Variants in AAK1 observed in about 807,000 individuals in gnomAD.
AAK1 encodes AP2-associated protein kinase 1.
Under a neutral mutation model 116.0 loss-of-function variants are expected in AAK1, and 37 were observed. The ratio of observed to expected loss-of-function variants is 0.32; its 90% CI spans 0.25 to 0.42. The LOEUF is 0.42. Ranked by LOEUF, AAK1 falls within the 10% of genes least tolerant of loss-of-function variation. The probability of loss-of-function intolerance (pLI) is 1.00; values close to 1 mark genes in which losing one functional copy is unlikely to be tolerated. For synonymous variants in AAK1, 458 were observed against 439.9 expected (o/e 1.04, Z -0.51); for missense variants, 919 against 1,170.6 (o/e 0.79, Z 3.14).
intron 2 of AAK1, among the ~76,000 whole-genome samples, chr2:69,600,290 G>GT (rs55852032): frequency 0.039 from 5,234 of 133,410 alleles, 96 homozygotes; most frequent in African/African-American, 0.053. Context: ...ATCTGTCTCA[G>GT]TTTTTTTTTT....
At chr2:69,633,612 A>C (rs1186986253) in intron 2 of AAK1, among the ~76,000 whole-genome samples, 2 of 151,936 alleles carry the variant, frequency 1.3e-5, no homozygotes, top group Non-Finnish European at 2.9e-5. Context: ...AAAAAAAAAA[A>C]AAAAACTCAG....
intron 17 of AAK1, among the ~76,000 whole-genome samples, chr2:69,486,544 A>G (rs1437692901): frequency 1.3e-5 from 2 of 152,132 alleles, no homozygotes; most frequent in East Asian, 3.8e-4. Flanking sequence ...GGCCATGTCT[A>G]TGTAAGGTGG....
Position 69,468,676 on chromosome 2 carries a change from T to C in AAK1, c.*7193A>G, listed in dbSNP as rs1212960953. On this transcript the variant is annotated 3_prime_UTR_variant, in exon 22 of 22. Transcript: ENST00000409085. The stretch of plus-strand genomic sequence containing the variant: ...TAAACTGAATTCAGTTAAAACAATT[T>C]GTGCACAGAGACTGGCAAAAAAGCA... The C allele has an allele frequency of 2.5e-5, 25 of 985,288 alleles. No individual in the cohort carries two copies. The highest frequency in any genetic ancestry group is 6.1e-5 in the Admixed American group (1 of 16,266). The allele number at this position is 985,288 out of a possible 1,614,324, so 61.0% of individuals were successfully genotyped here.
chr2:69,529,959 C>A (rs762931927), intron 8 of AAK1, 49 bp downstream of exon 8: 1 of 1,425,150 alleles, frequency 7.0e-7, no homozygotes, highest in South Asian at 1.4e-5. Flanking sequence ...CCAATTCATT[C>A]TTTGTGATTA....
intron 2 of AAK1, among the ~76,000 whole-genome samples, chr2:69,596,752 T>A (rs1572991921): frequency 6.6e-6 from 1 of 152,116 alleles, no homozygotes; most frequent in African/African-American, 2.4e-5. Context: ...CCTGCTCAGG[T>A]GAGTGCTGGA....
Position 69,479,434 on chromosome 2 carries a change from T to A in AAK1, c.2570-373A>T, listed in dbSNP as rs115228435. Among the ~76,000 whole-genome samples, 1,305 of 152,298 alleles carry A rather than the reference T, an allele frequency of 8.6e-3. 24 individuals carry two copies. Among genetic ancestry groups the A allele is most frequent in the African/African-American group, 0.03 (1,247 of 41,560 alleles). On this transcript the variant is annotated intron_variant, in intron 19 of 21. Transcript: ENST00000409085. ...TTTTGCTCAGAGGTTGCTGGTTAAA[T>A]AGGTCTGTGATTTGGATGCTGAGCT...
chr2:69,504,436 C>G (rs1271150197), intron 16 of AAK1, among the ~76,000 whole-genome samples: 1 of 135,894 alleles, frequency 7.4e-6, no homozygotes, highest in Non-Finnish European at 1.6e-5. Flanking sequence ...ATATCAGAGT[C>G]TCAGAGTCTT....
chr2:69,516,399 A>C (rs891491211), intron 12 of AAK1, among the ~76,000 whole-genome samples: 6 of 152,192 alleles, frequency 3.9e-5, no homozygotes, highest in Non-Finnish European at 7.3e-5. Flanking sequence ...ATCCGAATTC[A>C]TAATGCCTAT....
At chr2:69,617,826 A>G (rs1164116308) in intron 2 of AAK1, among the ~76,000 whole-genome samples, 1 of 152,210 alleles carries the variant, frequency 6.6e-6, no homozygotes, top group Non-Finnish European at 1.5e-5. Context: ...TGCCTCTACT[A>G]TTTTGGTTTG....
In AAK1 at chr2:69,461,793, T is replaced by C; in HGVS notation, c.*14076A>G. On this transcript the variant is annotated 3_prime_UTR_variant, in exon 22 of 22. Transcript: ENST00000409085. ...TTTTGGTAGAGACAGGGTTTCACCATGTTGGCCAGGCTGGTCTCAAACTCC... is the reference window on the plus strand; with the variant it reads ...TTTTGGTAGAGACAGGGTTTCACCACGTTGGCCAGGCTGGTCTCAAACTCC... 1 of 294,744 alleles carries C rather than the reference T, an allele frequency of 3.4e-6. No homozygotes were observed. The highest frequency in any genetic ancestry group is 2.5e-5 in the South Asian group (1 of 39,300). 18.3% of individuals were successfully genotyped at this position (294,744 alleles called of 1,614,324 possible).
Position 69,471,338 on chromosome 2 carries a change from T to C in AAK1, c.*4531A>G, listed in dbSNP as rs1674669445. Reference sequence around the variant, plus strand: ...AGCAAAAGAGGTTTCTTGTTATAGATTTCCTAGCACTCATTCTGATTTAAG... The same window carrying C: ...AGCAAAAGAGGTTTCTTGTTATAGACTTCCTAGCACTCATTCTGATTTAAG... On this transcript the variant is annotated 3_prime_UTR_variant, in exon 22 of 22. Transcript: ENST00000409085. 1.0e-6 allele frequency: 1 copy of C among 985,450 alleles called. No homozygotes were observed. The highest frequency in any genetic ancestry group is 1.2e-6 in the Non-Finnish European group (1 of 829,932). The allele number at this position is 985,450 out of a possible 1,614,324, so 61.0% of individuals were successfully genotyped here. A position where few individuals can be genotyped will look rare whatever the true frequency, so the allele number is the denominator to read the frequency against.
Position 69,514,958 on chromosome 2 carries a change from C to A in AAK1, c.1498-209G>T, listed in dbSNP as rs12466390. On this transcript the variant is annotated intron_variant, in intron 12 of 21. Transcript: ENST00000409085. Reference sequence around the variant, plus strand: ...AGTCCCTTACACTGCTAGGCTCCATCCATTGCACCAGGCTGCCTCCTGCAC... The same window carrying A: ...AGTCCCTTACACTGCTAGGCTCCATACATTGCACCAGGCTGCCTCCTGCAC... 9.9e-3 allele frequency among the ~76,000 whole-genome samples: 1,509 copies of A among 152,288 alleles called. 90 individuals carry two copies. The highest frequency in any genetic ancestry group is 0.087 in the Admixed American group (1,326 of 15,294).
chr2:69,471,118 A>C lies in AAK1; in HGVS notation c.*4751T>G. On this transcript the variant is annotated 3_prime_UTR_variant, in exon 22 of 22. Transcript: ENST00000409085. ...AGACCTATGATAAACACACATCCAC[A>C]TGACAAAGGAGAGTGCAATAGGGCA... The C allele has an allele frequency of 1.0e-6, 1 of 985,784 alleles. No homozygotes were observed. The highest frequency in any genetic ancestry group is 1.2e-6 in the Non-Finnish European group (1 of 829,930). 61.1% of individuals were successfully genotyped at this position (985,784 alleles called of 1,614,324 possible).
chr2:69,470,195 AG>A lies in AAK1; in HGVS notation c.*5673del, dbSNP rs1674629085. 6 of 985,434 alleles carry A rather than the reference AG, an allele frequency of 6.1e-6. No individual in the cohort carries two copies. Among genetic ancestry groups the A allele is most frequent in the Non-Finnish European group, 7.2e-6 (6 of 829,904 alleles). The allele number at this position is 985,434 out of a possible 1,614,324, so 61.0% of individuals were successfully genotyped here. A position where few individuals can be genotyped will look rare whatever the true frequency, so the allele number is the denominator to read the frequency against. ...TACCAAAAACTGAAAGAACGGTTACAGGGAGTATCAAAGATATGATTCTTGC... is the reference window on the plus strand; with the variant it reads ...TACCAAAAACTGAAAGAACGGTTACAGGAGTATCAAAGATATGATTCTTGC... On this transcript the variant is annotated 3_prime_UTR_variant, in exon 22 of 22. Coordinates refer to ENST00000409085, the MANE Select transcript of AAK1 (RefSeq NM_014911.5).
chr2:69,475,976 A>C lies in AAK1; in HGVS notation c.2792-13T>G. 1.2e-6 allele frequency: 2 copies of C among 1,607,710 alleles called. No homozygotes were observed. The highest frequency in any genetic ancestry group is 1.7e-6 in the Non-Finnish European group (2 of 1,176,894). ...CTAGAGTGCCCACCTGGAAGTGGAG[A>C]GATAGGAATTCAGTACAAAACATAG... On this transcript the variant is annotated splice_polypyrimidine_tract_variant and intron_variant, in intron 21 of 21. Transcript: ENST00000409085.
In AAK1 at chr2:69,518,996, C is replaced by T. The variant is rs959300485; in HGVS notation, c.1455G>A (p.Pro485=). The change falls in exon 12 of 22, where the codon CCG becomes CCA. Residue 485 remains proline (P), a synonymous_variant. Coordinates refer to ENST00000409085, the MANE Select transcript of AAK1 (RefSeq NM_014911.5). ...QQQPPPAQQQ[P]AGTFYQQQQA... ...GCTGCTGCTGGTAAAACGTGCCTGC[C>T]GGCTGCTGCTGTGCTGGCGGTGGCT... 7.1e-6 allele frequency: 11 copies of T among 1,549,616 alleles called. No homozygotes were observed. In the African/African-American group the frequency reaches 8.2e-5, roughly 12 times the overall value.
chr2:69,577,311 C>T (rs1335870708), intron 2 of AAK1, among the ~76,000 whole-genome samples: 1 of 152,196 alleles, frequency 6.6e-6, no homozygotes, highest in African/African-American at 2.4e-5. Flanking sequence ...TCATCAGAGA[C>T]TCAAGGCCCA....
rs1338078584 is a variant in AAK1, at chr2:69,532,214, G to A, written c.535-52C>T. The A allele has an allele frequency of 7.3e-5, 117 of 1,599,868 alleles. 4 individuals are homozygous for A. In the South Asian group the frequency reaches 1.2e-3, roughly 17 times the overall value. On this transcript the variant is annotated intron_variant, in intron 5 of 21. Transcript: ENST00000409085. ...TCCAAGATATCATTTAGTAATGCAC[G>A]TGAAAATTTGGTTTCACAGTCACAT...
chr2:69,561,037 G>A (rs1205716205), intron 2 of AAK1, among the ~76,000 whole-genome samples: 1 of 152,154 alleles, frequency 6.6e-6, no homozygotes, highest in Non-Finnish European at 1.5e-5. Flanking sequence ...CTAAAGATGA[G>A]CTAGAAACCC....
Sources: gnomAD v4.1 joint callset for allele counts (sites outside exome capture counted in the v4.1 genomes callset) on GRCh38, gnomAD v4.1.1 for gene constraint, MANE v1.5 for transcripts, NCBI Gene and HGNC (gene_info 2026-07-23, HGNC 2026-07-21) for gene names.